Variants in CFAP44 observed in about 807,000 individuals in gnomAD.
The protein encoded by CFAP44 is cilia and flagella associated protein 44, also known as cilia- and flagella-associated protein 44.
A neutral mutation model predicts 216.2 loss-of-function variants in CFAP44; 134 were observed. That is an observed-to-expected ratio of 0.62 (90% confidence interval 0.54 to 0.72). CFAP44 has a LOEUF of 0.72. Ranked by LOEUF, CFAP44 falls within the 30% of genes least tolerant of loss-of-function variation. The pLI, the probability that CFAP44 is intolerant of heterozygous loss-of-function variation, is 0.00. For missense variants in CFAP44, 2,035 were observed against 2,182.1 expected, an observed-to-expected ratio of 0.93 and a Z score of 1.34; for synonymous variants, 700 against 727.6, an observed-to-expected ratio of 0.96 and a Z score of 0.61.
chr3:113,291,841 T>C, intron 34 of CFAP44, 93 bp from the exon 35 acceptor site: 1 of 1,345,502 alleles, frequency 7.4e-7, no homozygotes. Context: ...AGTGCTGGCC[T>C]GACAGTCACC....
chr3:113,379,165 A>G, intron 17 of CFAP44, 141 bp downstream of exon 17: 1 of 629,960 alleles, frequency 1.6e-6, no homozygotes, highest in Non-Finnish European at 2.4e-6. Flanking sequence ...CACGACTTCA[A>G]TAGTATTTAA....
chr3:113,360,265 A>G (rs1216043073), intron 21 of CFAP44: 1 of 172,298 alleles, frequency 5.8e-6, no homozygotes, highest in Non-Finnish European at 1.3e-5. Flanking sequence ...AGACATGGCC[A>G]TGTTATTATC....
intron 8 of CFAP44, among the ~76,000 whole-genome samples, chr3:113,405,838 T>C (rs1934260566): frequency 6.6e-6 from 1 of 152,208 alleles, no homozygotes; most frequent in Non-Finnish European, 1.5e-5. Context: ...TATTGAGAAT[T>C]TGAAGCTGGG....
chr3:113,391,270 T>G (rs1933831257), intron 15 of CFAP44, among the ~76,000 whole-genome samples: 1 of 152,160 alleles, frequency 6.6e-6, no homozygotes, highest in African/African-American at 2.4e-5. Flanking sequence ...TAAACAGTTT[T>G]GGAAAAACTG....
intron 13 of CFAP44, among the ~76,000 whole-genome samples, chr3:113,398,327 T>C (rs139431890): frequency 1.1e-4 from 16 of 152,160 alleles, no homozygotes; most frequent in African/African-American, 3.4e-4. Context: ...TACTTGAAGG[T>C]AGATTCATGG....
chr3:113,390,836 A>G (rs377324527), intron 15 of CFAP44, among the ~76,000 whole-genome samples: 48 of 152,326 alleles, frequency 3.2e-4, no homozygotes, highest in African/African-American at 1.1e-3. Context: ...TGGATGAAAG[A>G]AATTGAAGAG....
chr3:113,393,977 A>G (rs1576587377), intron 15 of CFAP44, among the ~76,000 whole-genome samples: 1 of 152,234 alleles, frequency 6.6e-6, no homozygotes, highest in East Asian at 1.9e-4. Context: ...CAAATTGCCC[A>G]GCCTCAAGTA....
At chr3:113,302,667 A>G (rs1003976761) in intron 32 of CFAP44, among the ~76,000 whole-genome samples, 1 of 149,550 alleles carries the variant, frequency 6.7e-6, no homozygotes, top group East Asian at 2.0e-4. Context: ...AGGCTGAGGC[A>G]GGAGAATTGC....
In CFAP44 at chr3:113,403,916, G is replaced by A; in HGVS notation, c.1106C>T (p.Pro369Leu). 6.2e-7 allele frequency: 1 copy of A among 1,614,036 alleles called. No individual in the cohort carries two copies. Among genetic ancestry groups the A allele is most frequent in the Non-Finnish European group, 8.5e-7 (1 of 1,180,002 alleles). Reference protein sequence around the residue: ...RGTSKSCHNGPINQIMLYEGE... With the variant: ...RGTSKSCHNGLINQIMLYEGE... ...CTCATACAGCATTATCTGGTTAATG[G>A]GACCATTGTGACATGACTTGCTTGT... The change falls in exon 9 of 35, where the codon CCC becomes CTC. Residue 369 changes from proline to leucine, a missense_variant. Transcript: ENST00000393845.
chr3:113,330,555 C>T lies in CFAP44; in HGVS notation c.3729G>A (p.Ser1243=), dbSNP rs111275544. The T allele has an allele frequency of 1.4e-5, 21 of 1,537,106 alleles. No individual in the cohort carries two copies. Among genetic ancestry groups the T allele is most frequent in the African/African-American group, 9.6e-5 (7 of 73,108 alleles). ...GTATGTGCTTGGATATGTGAAGAGT[C>T]GACTGAATGTTCTTCAGTTCTTGTA... The part of the protein sequence containing the change: ...CLVQELKNIQ[S]TLHISKHIPI... Residue 1243 remains serine, a synonymous_variant, in exon 26 of 35, where the codon TCG becomes TCA. Coordinates refer to ENST00000393845, the MANE Select transcript of CFAP44 (RefSeq NM_001164496.2).
chr3:113,411,598 C>T (rs1009775841), intron 6 of CFAP44, among the ~76,000 whole-genome samples: 2 of 152,172 alleles, frequency 1.3e-5, no homozygotes, highest in Non-Finnish European at 2.9e-5. Context: ...CAGCTTTGTT[C>T]TTTTGGCTTA....
At chr3:113,318,694 A>G (rs1370430621) in intron 28 of CFAP44, among the ~76,000 whole-genome samples, 1 of 152,176 alleles carries the variant, frequency 6.6e-6, no homozygotes, top group Non-Finnish European at 1.5e-5. Flanking sequence ...CAAGTCACAT[A>G]CAGAGAGAAA....
At chr3:113,341,604 A>G in intron 24 of CFAP44, 140 bp downstream of exon 24, 1 of 1,019,074 alleles carries the variant, frequency 9.8e-7, no homozygotes, top group Non-Finnish European at 1.3e-6. Context: ...ACCTGTTTAT[A>G]ATATCTCCTT....
intron 33 of CFAP44, among the ~76,000 whole-genome samples, chr3:113,295,154 T>TAG (rs1949868942): frequency 6.6e-6 from 1 of 152,252 alleles, no homozygotes; most frequent in Non-Finnish European, 1.5e-5. Flanking sequence ...CTAACTTTTC[T>TAG]GTATTGCTTT....
chr3:113,425,945 G>T, intron 4 of CFAP44, 179 bp downstream of exon 4: 1 of 679,288 alleles, frequency 1.5e-6, no homozygotes, highest in Non-Finnish European at 2.4e-6. Flanking sequence ...TGTCCTTGTT[G>T]TGTGATGGCA....
At chr3:113,320,414 G>GAT (rs199946937) in intron 28 of CFAP44, among the ~76,000 whole-genome samples, 1 of 116,618 alleles carries the variant, frequency 8.6e-6, no homozygotes, top group African/African-American at 3.4e-5. Context: ...ATATATACAT[G>GAT]ATATATATAT....
chr3:113,437,800 GTTTGTTTGT>G (rs944276551), intron 1 of CFAP44, among the ~76,000 whole-genome samples: 2 of 152,084 alleles, frequency 1.3e-5, no homozygotes, highest in African/African-American at 4.8e-5. Context: ...GGTTTTGTTT[GTTTGTTTGT>G]TTTGTTTTAA....
intron 2 of CFAP44, chr3:113,429,148 A>G (rs1289418741): frequency 1.3e-5 from 2 of 152,284 alleles, no homozygotes; most frequent in East Asian, 3.9e-4. Context: ...TACTGCATAC[A>G]ACAACAATAT....
rs533803214 is a variant in CFAP44, at chr3:113,296,202, T to C, written c.5238+523A>G. The stretch of plus-strand genomic sequence containing the variant: ...ATAGGATAATGGCCTCCAGCTCCAT[T>C]CGTGTTGCTGCAAAGGACATGATAT... On this transcript the variant is annotated intron_variant, in intron 33 of 34. Coordinates refer to ENST00000393845, the MANE Select transcript of CFAP44 (RefSeq NM_001164496.2). Among the ~76,000 whole-genome samples, 20 of 152,320 alleles carry C rather than the reference T, an allele frequency of 1.3e-4. 1 individual carries two copies. The East Asian group carries it at 3.9e-3, about 29-fold the overall frequency.
Sources: gnomAD v4.1 joint callset for allele counts (sites outside exome capture counted in the v4.1 genomes callset) on GRCh38, gnomAD v4.1.1 for gene constraint, MANE v1.5 for transcripts, NCBI Gene and HGNC (gene_info 2026-07-23, HGNC 2026-07-21) for gene names.